PRKN: variants seen among roughly 807,000 people sequenced by gnomAD.
PRKN encodes parkin RBR E3 ubiquitin protein ligase.
Under a neutral mutation model 59.5 loss-of-function variants are expected in PRKN, and 56 were observed. The ratio of observed to expected loss-of-function variants is 0.94; its 90% confidence interval spans 0.76 to 1.18. The LOEUF (loss-of-function observed/expected upper bound fraction) is 1.18, where lower values mean the gene tolerates loss of function less well. PRKN is among the 50% of genes most tolerant of loss of function. The probability of loss-of-function intolerance (pLI) is 0.00; values close to 1 mark genes in which losing one functional copy is unlikely to be tolerated. For missense variants in PRKN, 657 were observed against 596.4 expected (o/e 1.10, Z -1.06); for synonymous variants, 250 against 222.1 (o/e 1.13, Z -1.12).
chr6:161,926,135 G>A (rs1270909467), intron 6 of PRKN, among the ~76,000 whole-genome samples: 3 of 152,168 alleles, frequency 2.0e-5, no homozygotes, highest in Non-Finnish European at 4.4e-5. Context: ...CTACCTCTAA[G>A]TAAATGGGAG....
chr6:162,236,714 GA>G (rs1778738832), intron 3 of PRKN, among the ~76,000 whole-genome samples: 1 of 152,012 alleles, frequency 6.6e-6, no homozygotes, highest in South Asian at 2.1e-4. Context: ...AGCATCGCTT[GA>G]ACCTGGGACG....
chr6:162,194,769 T>C lies in PRKN; in HGVS notation c.534+6362A>G, dbSNP rs563430643. The stretch of plus-strand genomic sequence containing the variant: ...CCTTAACCTGGCTCTTTTGGAAGTA[T>C]TAGCTTTGGTAAAAGGGAAAAAGAG... On this transcript the variant is annotated intron_variant, in intron 4 of 11. Transcript: ENST00000366898. 2.6e-5 allele frequency among the ~76,000 whole-genome samples: 4 copies of C among 152,264 alleles called. No individual in the cohort carries two copies. The South Asian group carries it at 6.2e-4, about 24-fold the overall frequency.
Position 161,754,502 on chromosome 6 carries a change from G to A in PRKN, c.871+31270C>T, listed in dbSNP as rs77990018. On this transcript the variant is annotated intron_variant, in intron 7 of 11. Coordinates refer to ENST00000366898, the MANE Select transcript of PRKN (RefSeq NM_004562.3). ...AGGTGGGTGCTTGTGGGAGGCTGCG[G>A]TGCGTGATTAGCAGCAGGTGAGAGT... Among the ~76,000 whole-genome samples the A allele has an allele frequency of 6.5e-3, 994 of 152,214 alleles. 11 individuals carry two copies. Among genetic ancestry groups the A allele is most frequent in the African/African-American group, 0.023 (953 of 41,538 alleles).
intron 6 of PRKN, among the ~76,000 whole-genome samples, 176 bp from the exon 7 acceptor site, chr6:161,786,084 C>T (rs1003007208): frequency 6.6e-6 from 1 of 152,172 alleles, no homozygotes; most frequent in African/African-American, 2.4e-5. Flanking sequence ...AAATTGGAGG[C>T]ACTCAATGAA....
intron 7 of PRKN, among the ~76,000 whole-genome samples, chr6:161,587,129 C>T (rs1350172097): frequency 6.6e-6 from 1 of 152,190 alleles, no homozygotes; most frequent in African/African-American, 2.4e-5. Flanking sequence ...TACTTACACA[C>T]CACAAAATTG....
At chr6:161,699,024 C>A (rs1786138621) in intron 7 of PRKN, among the ~76,000 whole-genome samples, 1 of 152,058 alleles carries the variant, frequency 6.6e-6, no homozygotes, top group Admixed American at 6.6e-5. Context: ...GTATAGAAAT[C>A]ACTCTAAAAA....
chr6:161,841,291 A>G (rs1412955639), intron 6 of PRKN, among the ~76,000 whole-genome samples: 1 of 151,874 alleles, frequency 6.6e-6, no homozygotes, highest in Non-Finnish European at 1.5e-5. Flanking sequence ...CCTTGACCCA[A>G]CGTTAGTCAG....
At chr6:162,154,253 C>T (rs1405945404) in intron 4 of PRKN, among the ~76,000 whole-genome samples, 4 of 152,070 alleles carry the variant, frequency 2.6e-5, no homozygotes, top group Non-Finnish European at 5.9e-5. Flanking sequence ...ATATGACCGC[C>T]CTGCACAGCA....
At chr6:162,665,219 A>G (rs1399353131) in intron 1 of PRKN, among the ~76,000 whole-genome samples, 1 of 152,098 alleles carries the variant, frequency 6.6e-6, no homozygotes, top group East Asian at 1.9e-4. Context: ...AGGGTATTCA[A>G]ATGGGAAGAC....
intron 3 of PRKN, among the ~76,000 whole-genome samples, chr6:162,256,013 T>C (rs1414598709): frequency 1.3e-5 from 2 of 152,130 alleles, no homozygotes; most frequent in African/African-American, 4.8e-5. Context: ...TTGCAAAGAA[T>C]TAGAATCTAA....
At chr6:162,575,717 A>G (rs1780529303) in intron 1 of PRKN, among the ~76,000 whole-genome samples, 1 of 152,202 alleles carries the variant, frequency 6.6e-6, no homozygotes, top group South Asian at 2.1e-4. Context: ...AAGAATGGCC[A>G]GGGCTACATC....
chr6:161,976,485 C>T (rs1245387153), intron 5 of PRKN, among the ~76,000 whole-genome samples: 1 of 152,192 alleles, frequency 6.6e-6, no homozygotes, highest in African/African-American at 2.4e-5. Flanking sequence ...ACCTTCCCCA[C>T]AGCAGCATGG....
In PRKN at chr6:162,134,135, A is replaced by G. The variant is rs183740587; in HGVS notation, c.534+66996T>C. 4.5e-3 allele frequency among the ~76,000 whole-genome samples: 686 copies of G among 152,282 alleles called. 5 individuals are homozygous for G. Among genetic ancestry groups the G allele is most frequent in the Non-Finnish European group, 6.9e-3 (471 of 68,018 alleles). On this transcript the variant is annotated intron_variant, in intron 4 of 11. Transcript: ENST00000366898. ...TTATCACTATTTTAGGGATGAGAAA[A>G]TGGATTTGCAAGGGAGACACATGGT...
chr6:161,425,660 A>C (rs1270783366), intron 9 of PRKN, among the ~76,000 whole-genome samples: 5 of 152,150 alleles, frequency 3.3e-5, no homozygotes, highest in Non-Finnish European at 7.3e-5. Flanking sequence ...CTCATCACCC[A>C]CTGGAGAGGT....
chr6:162,378,675 CT>C (rs1786260025), intron 2 of PRKN, among the ~76,000 whole-genome samples: 2 of 152,222 alleles, frequency 1.3e-5, no homozygotes, highest in South Asian at 4.1e-4. Flanking sequence ...GTCTCAAGAA[CT>C]GTTAAATGAG....
At chr6:162,083,868 T>C (rs1779156457) in intron 4 of PRKN, among the ~76,000 whole-genome samples, 2 of 152,076 alleles carry the variant, frequency 1.3e-5, no homozygotes, top group South Asian at 4.1e-4. Flanking sequence ...AACCCATATA[T>C]GAATTGACAG....
intron 1 of PRKN, among the ~76,000 whole-genome samples, chr6:162,445,593 G>A (rs1247261685): frequency 1.3e-5 from 2 of 149,624 alleles, no homozygotes; most frequent in African/African-American, 4.9e-5. Context: ...TCTGGAGGCT[G>A]AGGTGGGATG....
intron 3 of PRKN, among the ~76,000 whole-genome samples, chr6:162,221,014 G>T (rs779736141): frequency 7.9e-5 from 12 of 152,222 alleles, no homozygotes; most frequent in Non-Finnish European, 1.3e-4. Context: ...TTAGATGAGT[G>T]AAGAGCGGAG....
intron 5 of PRKN, among the ~76,000 whole-genome samples, chr6:162,021,461 AT>A (rs72433488): frequency 0.017 from 412 of 24,638 alleles, 3 homozygotes; most frequent in Middle Eastern, 0.033. Context: ...ATATATATAT[AT>A]TTTTTTTTTT....
Sources: allele counts gnomAD v4.1 joint callset (sites outside exome capture counted in the v4.1 genomes callset), GRCh38; gene constraint gnomAD v4.1.1; transcripts MANE v1.5; gene names NCBI Gene and HGNC (gene_info 2026-07-23, HGNC 2026-07-21).